Variants in FBN2 observed in about 807,000 individuals in gnomAD.
FBN2 encodes fibrillin 2.
FBN2 carries 105 observed loss-of-function variants against 355.6 expected under a neutral mutation model. That is an observed-to-expected ratio of 0.30 (90% CI 0.25 to 0.35). FBN2 has a LOEUF of 0.35. Among genes scored for constraint, FBN2 ranks in the 10% least tolerant of loss-of-function variants. FBN2 has a pLI of 1.00. For synonymous variants in FBN2, 1,350 were observed against 1,301.2 expected (o/e 1.04, Z -0.81); for missense variants, 3,280 against 3,758.7 (o/e 0.87, Z 3.33).
chr5:128,350,040 TAGA>T, intron 21 of FBN2, 35 bp from the exon 22 acceptor site: 3 of 1,526,818 alleles, frequency 2.0e-6, no homozygotes, highest in Non-Finnish European at 2.7e-6. Context: ...TACTTCATTA[TAGA>T]ATAAAATACA....
Position 128,448,157 on chromosome 5 carries a change from T to C in FBN2, c.827-1551A>G, listed in dbSNP as rs187706686. ...AGCAGAATTACTAGATCATAGGGTA[T>C]AATGAATAAATAGTGTCCAGTGGTC... On this transcript the variant is annotated intron_variant, in intron 6 of 64. Coordinates refer to ENST00000262464, the MANE Select transcript of FBN2 (RefSeq NM_001999.4). 1.9e-3 allele frequency among the ~76,000 whole-genome samples: 287 copies of C among 152,228 alleles called. 1 individual carries two copies. The highest frequency in any genetic ancestry group is 1.1e-3 in the Non-Finnish European group (76 of 68,002).
intron 59 of FBN2, 43 bp downstream of exon 59, chr5:128,275,995 A>C (rs1765385484): frequency 6.2e-7 from 1 of 1,607,346 alleles, no homozygotes; most frequent in Admixed American, 1.7e-5. Flanking sequence ...TTGAAAGAAA[A>C]GATACAGACT....
At chr5:128,263,698 C>A (rs1381148251) in intron 62 of FBN2, 42 bp from the exon 63 acceptor site, 2 of 1,494,380 alleles carry the variant, frequency 1.3e-6, no homozygotes. Flanking sequence ...GGGAAGCAGG[C>A]AAGAGCAAAA....
chr5:128,505,028 G>T (rs1211877368), intron 5 of FBN2, among the ~76,000 whole-genome samples: 1 of 152,132 alleles, frequency 6.6e-6, no homozygotes, highest in Admixed American at 6.5e-5. Flanking sequence ...TTTTACAAAG[G>T]GGTTTTCTCC....
chr5:128,296,815 G>A (rs1247285031), intron 48 of FBN2, among the ~76,000 whole-genome samples: 12 of 151,980 alleles, frequency 7.9e-5, no homozygotes, highest in Non-Finnish European at 1.3e-4. Context: ...TTTTTTGAAG[G>A]GTTTTTTGTG....
chr5:128,497,186 G>A (rs1755677386), intron 5 of FBN2, among the ~76,000 whole-genome samples: 1 of 152,134 alleles, frequency 6.6e-6, no homozygotes, highest in Non-Finnish European at 1.5e-5. Context: ...CTTGTTTTGA[G>A]TTATAATGAA....
intron 15 of FBN2, among the ~76,000 whole-genome samples, chr5:128,370,051 A>T (rs1470274254): frequency 6.6e-6 from 1 of 152,200 alleles, no homozygotes; most frequent in Non-Finnish European, 1.5e-5. Flanking sequence ...TTGAATATCC[A>T]GTGCCTGAGT....
At chr5:128,306,815 TAAAATAAGG>T (rs1457601432) in intron 42 of FBN2, among the ~76,000 whole-genome samples, 1 of 152,140 alleles carries the variant, frequency 6.6e-6, no homozygotes, top group African/African-American at 2.4e-5. Context: ...AACTAAAGGT[TAAAATAAGG>T]TAGATTATTT....
At chr5:128,505,566 A>G (rs1055445278) in intron 5 of FBN2, among the ~76,000 whole-genome samples, 1 of 152,160 alleles carries the variant, frequency 6.6e-6, no homozygotes, top group Non-Finnish European at 1.5e-5. Context: ...AACCTATATA[A>G]CAACATATCC....
At position 128,349,545 on chromosome 5, in the gene FBN2, G is replaced by A. The variant is rs898359022; in HGVS notation, c.2864-73C>T. 7.9e-6 allele frequency: 12 copies of A among 1,519,874 alleles called. No homozygotes were observed. In the Admixed American group the frequency reaches 9.1e-5, roughly 12 times the overall value. 94.1% of individuals were successfully genotyped at this position (1,519,874 alleles called of 1,614,324 possible). On this transcript the variant is annotated intron_variant, in intron 22 of 64. Transcript: ENST00000262464. ...AAAAGCAGGTGTGGTCCTACTTCCT[G>A]TATAGCATTTTCAATCCACATTCAA...
rs1581208409 is a variant in FBN2 at position 128,312,559 on chromosome 5, C to A, written c.4879+75G>T. 34 of 1,552,222 alleles carry A rather than the reference C, an allele frequency of 2.2e-5. No individual in the cohort carries two copies. In the East Asian group the frequency reaches 7.6e-4, roughly 35 times the overall value. On this transcript the variant is annotated intron_variant, in intron 37 of 64. Transcript: ENST00000262464. The stretch of plus-strand genomic sequence containing the variant: ...GTCCTCACTAAACACTCCTCACTCC[C>A]AGCTCAGGAATAAAATGGCAACAAA...
intron 5 of FBN2, among the ~76,000 whole-genome samples, chr5:128,467,086 T>C (rs966783584): frequency 1.3e-5 from 2 of 152,124 alleles, no homozygotes; most frequent in Non-Finnish European, 2.9e-5. Context: ...ATCTGCACAG[T>C]CTCCCTCATA....
chr5:128,271,395 T>C (rs1019452697), intron 62 of FBN2, among the ~76,000 whole-genome samples: 1 of 152,190 alleles, frequency 6.6e-6, no homozygotes, highest in African/African-American at 2.4e-5. Flanking sequence ...AATGTTCTCT[T>C]TGATCAATCA....
At chr5:128,408,842 A>G (rs1752997962) in intron 7 of FBN2, 43 bp from the exon 8 acceptor site, 5 of 1,611,502 alleles carry the variant, frequency 3.1e-6, no homozygotes, top group Non-Finnish European at 3.4e-6. Flanking sequence ...AAAGGCCTTC[A>G]TTAAATAGCT....
rs571555080 is a variant in FBN2 at position 128,273,530 on chromosome 5, T to C, written c.7840+310A>G. ...CAATTATTATTTTTTTCTGGTATGCTTGTACACTACCGCAAACCATATTAG... is the reference window on the plus strand; with the variant it reads ...CAATTATTATTTTTTTCTGGTATGCCTGTACACTACCGCAAACCATATTAG... On this transcript the variant is annotated intron_variant, in intron 61 of 64. Transcript: ENST00000262464. Among the ~76,000 whole-genome samples the C allele has an allele frequency of 2.6e-5, 4 of 152,338 alleles. No homozygotes were observed. In the East Asian group the frequency reaches 7.7e-4, roughly 29 times the overall value.
chr5:128,307,198 A>G lies in FBN2; in HGVS notation c.5359T>C (p.Phe1787Leu). Residue 1787 changes from phenylalanine (F) to leucine (L), a missense_variant, in exon 42 of 65, where the codon TTT becomes CTT. By Grantham distance (22) the Phe-to-Leu change is conservative (BLOSUM62 0). This residue lies in a region of FBN2 where 2,284 missense variants were observed against 2,749.5 expected (regional missense o/e 0.83). Transcript: ENST00000262464. ...GGAATATTTCCACATATGGTTTTAA[A>G]GTCAGCTTTAAAATATAAACAAAGC... is the stretch of plus-strand genomic sequence containing the variant. Reference protein sequence around the residue: ...EPCPTPGTADFKTICGNIPGF... With the variant: ...EPCPTPGTADLKTICGNIPGF... 6.3e-7 allele frequency: 1 copy of G among 1,599,714 alleles called. No homozygotes were observed. Among genetic ancestry groups the G allele is most frequent in the South Asian group, 1.1e-5 (1 of 90,842 alleles).
intron 15 of FBN2, among the ~76,000 whole-genome samples, chr5:128,371,488 CT>C (rs1751939934): frequency 1.4e-5 from 2 of 138,462 alleles, no homozygotes; most frequent in African/African-American, 2.5e-5. Flanking sequence ...TCCTTCCTTT[CT>C]TCCCTCCCTC....
In FBN2 at chr5:128,263,678, C is replaced by T. The variant is rs1416420658; in HGVS notation, c.7961-22G>A. ...TCATCTAGTGAAACGAAGAAAGAAA[C>T]TCTTACACGGGGAAGCAGGCAAGAG... On this transcript the variant is annotated intron_variant, in intron 62 of 64. Transcript: ENST00000262464. 5 of 1,585,858 alleles carry T rather than the reference C, an allele frequency of 3.2e-6. No individual in the cohort carries two copies. In the African/African-American group the frequency reaches 5.4e-5, roughly 17 times the overall value.
intron 8 of FBN2, among the ~76,000 whole-genome samples, chr5:128,403,224 T>G (rs1752844699): frequency 6.6e-6 from 1 of 152,220 alleles, no homozygotes. Context: ...TCATCACTTC[T>G]GCCTCAAACT....
Sources: allele counts gnomAD v4.1 joint callset (sites outside exome capture counted in the v4.1 genomes callset), GRCh38; gene constraint gnomAD v4.1.1; regional missense constraint gnomAD v4.1.1; transcripts MANE v1.5; gene names NCBI Gene and HGNC (gene_info 2026-07-23, HGNC 2026-07-21).